FREM1: variants seen among roughly 807,000 people sequenced by gnomAD.
FREM1 encodes the protein FRAS1 related extracellular matrix 1.
In FREM1, 220 loss-of-function variants were observed where a neutral mutation model predicts 210.1. The observed-to-expected ratio is 1.05, with a 90% confidence interval of 0.94 to 1.17. The LOEUF (loss-of-function observed/expected upper bound fraction) is 1.17. Among genes scored for constraint, FREM1 ranks in the 50% most tolerant of loss-of-function variants. The pLI is 0.00. For synonymous variants in FREM1, 1,189 were observed against 980.2 expected (o/e 1.21, Z -3.98); for missense variants, 3,454 against 2,675.5 (o/e 1.29, Z -6.42).
intron 25 of FREM1, among the ~76,000 whole-genome samples, chr9:14,771,467 G>A (rs941117913): frequency 1.3e-5 from 2 of 152,130 alleles, no homozygotes; most frequent in African/African-American, 2.4e-5. Flanking sequence ...TGAAGATGGT[G>A]GATGACATCT....
intron 1 of FREM1, among the ~76,000 whole-genome samples, chr9:14,893,554 A>G (rs1489532574): frequency 6.6e-6 from 1 of 152,232 alleles, no homozygotes; most frequent in African/African-American, 2.4e-5. Flanking sequence ...TTGTGTGTGT[A>G]ATATAAAAGA....
In FREM1 at chr9:14,773,126, C is replaced by G. The variant is rs1847891798; in HGVS notation, c.4858-2320G>C. Among the ~76,000 whole-genome samples the G allele has an allele frequency of 2.0e-5, 3 of 152,100 alleles. No homozygotes were observed. In the East Asian group the frequency reaches 5.8e-4, roughly 29 times the overall value. On this transcript the variant is annotated intron_variant, in intron 25 of 36. Coordinates refer to ENST00000380880, the MANE Select transcript of FREM1 (RefSeq NM_001379081.2). ...TTTTTTTTTAAAGAAAGCTCTGTCC[C>G]CTGATAACTTGTGTTGTATTTACAG... is the stretch of plus-strand genomic sequence containing the variant.
At chr9:14,886,182 T>G (rs1360108477) in intron 1 of FREM1, among the ~76,000 whole-genome samples, 1 of 151,938 alleles carries the variant, frequency 6.6e-6, no homozygotes, top group Non-Finnish European at 1.5e-5. Flanking sequence ...GTCAAGAGAT[T>G]GAGACCATTC....
intron 22 of FREM1, among the ~76,000 whole-genome samples, chr9:14,790,461 T>C (rs1851112305): frequency 6.6e-6 from 1 of 152,192 alleles, no homozygotes; most frequent in Non-Finnish European, 1.5e-5. Context: ...ACAGACTCTT[T>C]CAGGTTTTAA....
intron 27 of FREM1, among the ~76,000 whole-genome samples, chr9:14,768,577 G>A (rs891202912): frequency 2.0e-5 from 3 of 152,100 alleles, no homozygotes; most frequent in Non-Finnish European, 2.9e-5. Flanking sequence ...GTAGCCACTC[G>A]ATAAAAGTCT....
In FREM1 at chr9:14,848,744, A is replaced by G; in HGVS notation, c.1182T>C (p.Phe394=). ...EVELEVYDFF[F]ERSAPMTVHI... Reference sequence around the variant, plus strand: ...GGACTGTCATAGGTGCACTCCTTTCAAAGAAGAAGTCGTATACCTCCAATT... The same window carrying G: ...GGACTGTCATAGGTGCACTCCTTTCGAAGAAGAAGTCGTATACCTCCAATT... Residue 394 remains phenylalanine, a synonymous_variant, in exon 7 of 37, where the codon TTT becomes TTC. Coordinates refer to ENST00000380880, the MANE Select transcript of FREM1 (RefSeq NM_001379081.2). 1 of 1,612,620 alleles carries G rather than the reference A, an allele frequency of 6.2e-7. No homozygotes were observed. Among genetic ancestry groups the G allele is most frequent in the Non-Finnish European group, 8.5e-7 (1 of 1,178,754 alleles).
chr9:14,863,855 C>A lies in FREM1; in HGVS notation c.283G>T (p.Gly95Cys). 1 of 1,613,484 alleles carries A rather than the reference C, an allele frequency of 6.2e-7. No homozygotes were observed. Among genetic ancestry groups the A allele is most frequent in the Non-Finnish European group, 8.5e-7 (1 of 1,179,484 alleles). Residue 95 changes from glycine (G) to cysteine (C), a missense_variant, in exon 3 of 37, where the codon GGT (glycine) becomes TGT (cysteine). Transcript: ENST00000380880. ...GTGTCTTCATCAAGAATTGGACAAC[C>A]ATTGTGAACATACTTGACTTCGTTG... ...LPNEVKYVHN[G>C]CPILDEDTVK...
intron 27 of FREM1, among the ~76,000 whole-genome samples, chr9:14,769,447 C>T (rs921390293): frequency 1.3e-5 from 2 of 152,226 alleles, no homozygotes; most frequent in African/African-American, 4.8e-5. Flanking sequence ...TAAGACAGAA[C>T]CCTCCCTGTG....
chr9:14,857,586 G>T lies in FREM1; in HGVS notation c.795C>A (p.Asp265Glu), dbSNP rs140222993. The part of the protein sequence containing the change: ...PNIDYISIQL[D>E]LTDTRSKIVY... ...CAATTTTGCTCCTGGTATCTGTGAG[G>T]TCCAGTTGGATGGAGATATAATCAA... The change falls in exon 5 of 37, where the codon GAC becomes GAA. Residue 265 changes from aspartate (D) to glutamate (E), a missense_variant. By Grantham distance (45) the Asp-to-Glu change is conservative. Transcript: ENST00000380880. The T allele has an allele frequency of 2.2e-4, 363 of 1,613,770 alleles. 2 individuals are homozygous for T. The African/African-American group carries it at 4.4e-3, about 20-fold the overall frequency.
At chr9:14,782,371 A>C in intron 24 of FREM1, 3 of 981,098 alleles carry the variant, frequency 3.1e-6, no homozygotes, top group Non-Finnish European at 3.6e-6. Flanking sequence ...TTAATATCTA[A>C]CCTTCATTTC....
At chr9:14,827,019 TGAAA>T (rs1822586705) in intron 10 of FREM1, among the ~76,000 whole-genome samples, 1 of 152,224 alleles carries the variant, frequency 6.6e-6, no homozygotes, top group South Asian at 2.1e-4. Flanking sequence ...AGTTAGGTAC[TGAAA>T]TACCTGAAAA....
chr9:14,900,334 A>C (rs1838553048), intron 1 of FREM1, among the ~76,000 whole-genome samples: 1 of 152,240 alleles, frequency 6.6e-6, no homozygotes, highest in African/African-American at 2.4e-5. Flanking sequence ...CCACTGCTGC[A>C]AATATTAACT....
Position 14,863,994 on chromosome 9 carries a change from T to C in FREM1, c.235-91A>G, listed in dbSNP as rs367690605. Reference sequence around the variant, plus strand: ...AGGAGAGCACTGCCTGGAGAAAATATGCTCTGTTAGTAATGTGTGTATGTG... The same window carrying C: ...AGGAGAGCACTGCCTGGAGAAAATACGCTCTGTTAGTAATGTGTGTATGTG... On this transcript the variant is annotated intron_variant, in intron 2 of 36. Transcript: ENST00000380880. The C allele has an allele frequency of 3.7e-5, 29 of 780,310 alleles. No individual in the cohort carries two copies. In the African/African-American group the frequency reaches 3.9e-4, roughly 11 times the overall value. The allele number at this position is 780,310 out of a possible 1,614,324, so 48.3% of individuals were successfully genotyped here.
At chr9:14,861,212 C>CAT (rs1366433685) in intron 3 of FREM1, among the ~76,000 whole-genome samples, 3 of 90,414 alleles carry the variant, frequency 3.3e-5, no homozygotes, top group African/African-American at 1.4e-4. Context: ...CACACATATA[C>CAT]ATATATACAC....
chr9:14,784,341 G>A (rs1429812417), intron 24 of FREM1, 29 bp downstream of exon 24: 2 of 1,598,704 alleles, frequency 1.3e-6, no homozygotes, highest in African/African-American at 1.3e-5. Context: ...ATCCAAAGAA[G>A]GGGTTTGAAA....
Position 14,788,952 on chromosome 9 carries a change from C to A in FREM1, c.4144G>T (p.Asp1382Tyr), listed in dbSNP as rs758376945. The change falls in exon 23 of 37, where the codon GAC becomes TAC. Residue 1382 changes from aspartate to tyrosine, a missense_variant. Asp to Tyr is a radical substitution (Grantham distance 160, BLOSUM62 -3). Transcript: ENST00000380880. ...WDGNNRSPAL[D>Y]CQITIKDMEK... is the part of the protein sequence containing the mutation. ...ATGTCCTTGATGGTGATTTGACAGT[C>A]AAGAGCAGGGGACCTGTTGTTGCCA... 1 of 1,612,982 alleles carries A rather than the reference C, an allele frequency of 6.2e-7. No individual in the cohort carries two copies.
intron 29 of FREM1, among the ~76,000 whole-genome samples, chr9:14,755,081 G>C (rs190455153): frequency 2.0e-5 from 3 of 152,176 alleles, no homozygotes; most frequent in Non-Finnish European, 4.4e-5. Flanking sequence ...ATGGAAGAGA[G>C]GCATGGAATC....
rs776757890 is a variant in FREM1, at chr9:14,859,246, G to C, written c.568C>G (p.Leu190Val). The C allele has an allele frequency of 1.9e-6, 3 of 1,612,616 alleles. No homozygotes were observed. Among genetic ancestry groups the C allele is most frequent in the African/African-American group, 1.3e-5 (1 of 75,024 alleles). ...TRLPAHGQMVLGEPRPEEPRG... is the reference protein window; with the variant it reads ...TRLPAHGQMVVGEPRPEEPRG... The stretch of plus-strand genomic sequence containing the variant: ...GGTTCTTCTGGTCGAGGCTCCCCGA[G>C]AACCATCTGGCCATGGGCTGGCAGC... The change falls in exon 4 of 37, where the codon CTC becomes GTC. Residue 190 changes from leucine (L) to valine (V), a missense_variant. Physicochemically the swap from Leu to Val is conservative, Grantham distance 32. Coordinates refer to ENST00000380880, the MANE Select transcript of FREM1 (RefSeq NM_001379081.2).
chr9:14,897,956 C>T (rs544550811), intron 1 of FREM1, among the ~76,000 whole-genome samples: 1 of 152,272 alleles, frequency 6.6e-6, no homozygotes, highest in Admixed American at 6.5e-5. Context: ...ATTTTGAGGT[C>T]TTCAGCTATG....
Sources: allele counts gnomAD v4.1 joint callset (sites outside exome capture counted in the v4.1 genomes callset), GRCh38; gene constraint gnomAD v4.1.1; transcripts MANE v1.5; gene names NCBI Gene and HGNC (gene_info 2026-07-23, HGNC 2026-07-21).